PRR5L: variants seen among roughly 807,000 people sequenced by gnomAD.
The protein encoded by PRR5L is proline rich 5 like.
Under a neutral mutation model 36.4 loss-of-function variants are expected in PRR5L, and 21 were observed. The ratio of observed to expected loss-of-function variants is 0.58; its 90% CI spans 0.41 to 0.83. The LOEUF (loss-of-function observed/expected upper bound fraction) is 0.83. Among genes scored for constraint, PRR5L ranks in the 40% least tolerant of loss-of-function variants. The pLI is 0.00. For missense variants in PRR5L, 381 were observed against 473.3 expected (o/e 0.80, Z 1.81); for synonymous variants, 188 against 197.0 (o/e 0.95, Z 0.38).
chr11:36,337,269 G>A (rs114945056), intron 1 of PRR5L, among the ~76,000 whole-genome samples: 180 of 152,206 alleles, frequency 1.2e-3, no homozygotes, highest in African/African-American at 4.2e-3. Flanking sequence ...CTCCTGAATG[G>A]GATTAGTGCT....
chr11:36,356,098 G>A (rs1857025061), intron 1 of PRR5L, among the ~76,000 whole-genome samples: 3 of 150,258 alleles, frequency 2.0e-5, no homozygotes, highest in Non-Finnish European at 4.4e-5. Context: ...TTTTTGTAGA[G>A]TCTAGGTTTC....
chr11:36,439,211 C>T (rs746353765), intron 6 of PRR5L, among the ~76,000 whole-genome samples: 24 of 152,040 alleles, frequency 1.6e-4, no homozygotes, highest in Non-Finnish European at 3.4e-4. Flanking sequence ...TTTCGAGGGG[C>T]CCTGGGTCTC....
At chr11:36,399,940 G>A (rs1234913154) in intron 1 of PRR5L, among the ~76,000 whole-genome samples, 2 of 152,226 alleles carry the variant, frequency 1.3e-5, no homozygotes, top group Admixed American at 6.5e-5. Flanking sequence ...CCTGGAAAGT[G>A]GGCATTAGTA....
At chr11:36,445,163 A>G (rs1858802388) in intron 6 of PRR5L, among the ~76,000 whole-genome samples, 1 of 152,224 alleles carries the variant, frequency 6.6e-6, no homozygotes, top group Non-Finnish European at 1.5e-5. Context: ...CCATGTTTCT[A>G]TAAAACTCTA....
chr11:36,363,172 T>A (rs1303606216), intron 1 of PRR5L, among the ~76,000 whole-genome samples: 3 of 151,388 alleles, frequency 2.0e-5, no homozygotes, highest in African/African-American at 7.3e-5. Context: ...TGGCCGGGAA[T>A]GAGGCTGTGG....
At chr11:36,371,000 A>G (rs1857192810) in intron 1 of PRR5L, among the ~76,000 whole-genome samples, 1 of 152,178 alleles carries the variant, frequency 6.6e-6, no homozygotes, top group South Asian at 2.1e-4. Flanking sequence ...TTGCTTATTC[A>G]AATTATTCTC....
At chr11:36,452,567 C>T (rs540000327) in intron 8 of PRR5L, among the ~76,000 whole-genome samples, 1 of 152,336 alleles carries the variant, frequency 6.6e-6, no homozygotes, top group African/African-American at 2.4e-5. Context: ...TGGAATGGGC[C>T]AGAGTTTCAA....
intron 1 of PRR5L, among the ~76,000 whole-genome samples, chr11:36,321,880 C>A (rs149889021): frequency 6.6e-6 from 1 of 152,312 alleles, no homozygotes; most frequent in African/African-American, 2.4e-5. Flanking sequence ...ACGGGGCCTT[C>A]CCTCTGCAGG....
rs1175172357 is a variant in PRR5L at position 36,327,056 on chromosome 11, T to C, written c.-126+30618T>C. 2.0e-5 allele frequency among the ~76,000 whole-genome samples: 3 copies of C among 152,348 alleles called. No homozygotes were observed. The East Asian group carries it at 5.8e-4, about 29-fold the overall frequency. On this transcript the variant is annotated intron_variant, in intron 1 of 8. Coordinates refer to ENST00000530639, the MANE Select transcript of PRR5L (RefSeq NM_001160167.2). ...TTGGACAAGCAGAATAATTCTTGTATACAGGTAGCTATTAATTTAACACAA... is the reference window on the plus strand; with the variant it reads ...TTGGACAAGCAGAATAATTCTTGTACACAGGTAGCTATTAATTTAACACAA...
chr11:36,458,726 G>C (rs951649116), intron 8 of PRR5L, among the ~76,000 whole-genome samples: 3 of 152,216 alleles, frequency 2.0e-5, no homozygotes, highest in African/African-American at 7.2e-5. Context: ...AGAGCAGAGA[G>C]TAAACTAAAG....
chr11:36,428,165 A>C (rs531929245), intron 4 of PRR5L, among the ~76,000 whole-genome samples: 20 of 152,254 alleles, frequency 1.3e-4, no homozygotes, highest in Non-Finnish European at 2.1e-4. Context: ...GTAGGGTGAC[A>C]TTGGTGGTGG....
chr11:36,330,268 C>T (rs1450356633), intron 1 of PRR5L, among the ~76,000 whole-genome samples: 1 of 152,128 alleles, frequency 6.6e-6, no homozygotes, highest in East Asian at 1.9e-4. Flanking sequence ...CTTATATCCC[C>T]AGAAAATAGA....
chr11:36,422,237 A>G (rs1407602022), intron 4 of PRR5L, among the ~76,000 whole-genome samples: 1 of 152,182 alleles, frequency 6.6e-6, no homozygotes, highest in Admixed American at 6.5e-5. Context: ...CACGTCCCAG[A>G]GGGAAGGCTT....
intron 1 of PRR5L, chr11:36,376,351 G>C: frequency 3.2e-5 from 11 of 340,486 alleles, no homozygotes; most frequent in African/African-American, 4.7e-5. Flanking sequence ...AGGAAGAGGA[G>C]GAGGAGGAGG....
At chr11:36,457,890 G>C (rs1318916239) in intron 8 of PRR5L, among the ~76,000 whole-genome samples, 1 of 152,222 alleles carries the variant, frequency 6.6e-6, no homozygotes, top group Non-Finnish European at 1.5e-5. Flanking sequence ...AGAGAGAAAT[G>C]AATTGTTCTC....
chr11:36,351,029 T>TAAA (rs1856933267), intron 1 of PRR5L, among the ~76,000 whole-genome samples: 32 of 31,676 alleles, frequency 1.0e-3, no homozygotes, highest in East Asian at 5.5e-3. Flanking sequence ...TATTTATATA[T>TAAA]TTATTTTTTA....
In PRR5L at chr11:36,351,546, T is replaced by A. The variant is rs1391027388; in HGVS notation, c.-125-49451T>A. On this transcript the variant is annotated intron_variant, in intron 1 of 8. Coordinates refer to ENST00000530639, the MANE Select transcript of PRR5L (RefSeq NM_001160167.2). The stretch of plus-strand genomic sequence containing the variant: ...TTATATATTTATATAAATATATATT[T>A]ATATATATTTATATATTTATATATT... 6.1e-3 allele frequency among the ~76,000 whole-genome samples: 33 copies of A among 5,418 alleles called. 2 individuals are homozygous for A. Among genetic ancestry groups the A allele is most frequent in the South Asian group, 0.014 (2 of 144 alleles). 3.6% of individuals were successfully genotyped at this position (5,418 alleles called of 152,430 possible). A position where few individuals can be genotyped will look rare whatever the true frequency, so the allele number is the denominator to read the frequency against.
Position 36,408,359 on chromosome 11 carries a change from A to G in PRR5L, c.245+4981A>G, listed in dbSNP as rs113026157. Among the ~76,000 whole-genome samples the G allele has an allele frequency of 9.4e-3, 1,425 of 152,236 alleles. 8 individuals are homozygous for G. The highest frequency in any genetic ancestry group is 0.014 in the Non-Finnish European group (973 of 67,998). ...TTGTCCCATGTAAAAGTCAGGGCAC[A>G]TGGTCTATTGATATGAAAACCATAA... is the stretch of plus-strand genomic sequence containing the variant. On this transcript the variant is annotated intron_variant, in intron 3 of 8. Coordinates refer to ENST00000530639, the MANE Select transcript of PRR5L (RefSeq NM_001160167.2).
chr11:36,378,179 C>A (rs1261891168), intron 1 of PRR5L, among the ~76,000 whole-genome samples: 1 of 152,108 alleles, frequency 6.6e-6, no homozygotes, highest in South Asian at 2.1e-4. Flanking sequence ...ACTGACAACA[C>A]GAAGCAGCTA....
Sources: allele counts gnomAD v4.1 joint callset (sites outside exome capture counted in the v4.1 genomes callset), GRCh38; gene constraint gnomAD v4.1.1; transcripts MANE v1.5; gene names NCBI Gene and HGNC (gene_info 2026-07-23, HGNC 2026-07-21).